SGCZ: variants seen among roughly 807,000 people sequenced by gnomAD.
SGCZ encodes the protein zeta-sarcoglycan.
SGCZ carries 40 observed loss-of-function variants against 41.3 expected under a neutral mutation model. The ratio of observed to expected loss-of-function variants is 0.97; its 90% confidence interval spans 0.75 to 1.26. The LOEUF (loss-of-function observed/expected upper bound fraction) is 1.26, where lower values mean the gene tolerates loss of function less well. Ranked by LOEUF, SGCZ falls within the 50% of genes most tolerant of loss-of-function variation. The pLI is 0.00. For missense variants in SGCZ, 552 were observed against 369.8 expected (o/e 1.49, Z -4.04); for synonymous variants, 206 against 137.5 (o/e 1.50, Z -3.49).
intron 4 of SGCZ, among the ~76,000 whole-genome samples, chr8:14,194,673 T>C (rs537222526): frequency 1.3e-5 from 2 of 152,064 alleles, no homozygotes; most frequent in African/African-American, 4.8e-5. Flanking sequence ...AGGAACAAAA[T>C]ACAAAATATA....
chr8:15,096,488 G>A (rs909250778), intron 1 of SGCZ, among the ~76,000 whole-genome samples: 11 of 152,140 alleles, frequency 7.2e-5, no homozygotes, highest in African/African-American at 2.6e-4. Context: ...AGGCTTTATC[G>A]ACAAATATGG....
intron 1 of SGCZ, among the ~76,000 whole-genome samples, chr8:14,719,864 T>C (rs932911637): frequency 3.3e-5 from 5 of 152,054 alleles, no homozygotes; most frequent in Non-Finnish European, 5.9e-5. Flanking sequence ...TTTAATGAGA[T>C]CCCATTTGTC....
intron 2 of SGCZ, among the ~76,000 whole-genome samples, chr8:14,438,918 A>G (rs963013228): frequency 2.6e-5 from 4 of 152,052 alleles, no homozygotes; most frequent in African/African-American, 9.7e-5. Flanking sequence ...TTGTAAGAGA[A>G]GTATTCTGTT....
intron 1 of SGCZ, among the ~76,000 whole-genome samples, chr8:14,701,153 C>A (rs1809124600): frequency 6.6e-6 from 1 of 151,710 alleles, no homozygotes; most frequent in Admixed American, 6.6e-5. Flanking sequence ...AATAAAAGGG[C>A]ACTCTGAGAA....
rs890377108 is a variant in SGCZ at position 14,802,705 on chromosome 8, T to C, written c.40-247779A>G. ...TATACAAAACATTGCTTATTGAAAC[T>C]GGTATATATTATGGTGTTTTAGCAT... On this transcript the variant is annotated intron_variant, in intron 1 of 7. Transcript: ENST00000382080. 2.0e-5 allele frequency among the ~76,000 whole-genome samples: 3 copies of C among 152,164 alleles called. No individual in the cohort carries two copies. In the East Asian group the frequency reaches 5.8e-4, roughly 29 times the overall value.
intron 1 of SGCZ, among the ~76,000 whole-genome samples, chr8:14,930,281 A>G (rs1799888333): frequency 6.6e-6 from 1 of 152,076 alleles, no homozygotes; most frequent in African/African-American, 2.4e-5. Context: ...CAAAACCACA[A>G]TGAGATACTA....
At chr8:14,580,405 C>T (rs1349014253) in intron 1 of SGCZ, among the ~76,000 whole-genome samples, 2 of 152,078 alleles carry the variant, frequency 1.3e-5, no homozygotes, top group East Asian at 1.9e-4. Flanking sequence ...TTTAATAATA[C>T]AAACCTTTTA....
intron 2 of SGCZ, among the ~76,000 whole-genome samples, chr8:14,382,561 C>T (rs1364096063): frequency 6.6e-6 from 1 of 152,138 alleles, no homozygotes; most frequent in African/African-American, 2.4e-5. Context: ...CACATAGGAC[C>T]CTTAAAGTGA....
At chr8:14,192,828 G>C (rs1183226609) in intron 4 of SGCZ, among the ~76,000 whole-genome samples, 1 of 151,936 alleles carries the variant, frequency 6.6e-6, no homozygotes, top group Non-Finnish European at 1.5e-5. Flanking sequence ...AATTATTATG[G>C]AGACCAGCCT....
At chr8:15,044,289 C>T (rs1281299227) in intron 1 of SGCZ, among the ~76,000 whole-genome samples, 1 of 152,104 alleles carries the variant, frequency 6.6e-6, no homozygotes, top group Non-Finnish European at 1.5e-5. Context: ...TCCATCAATT[C>T]AACCCTTCTT....
chr8:14,975,975 T>G (rs571338804), intron 1 of SGCZ, among the ~76,000 whole-genome samples: 1 of 134,618 alleles, frequency 7.4e-6, no homozygotes, highest in South Asian at 2.4e-4. Flanking sequence ...TGTGTGCGTG[T>G]GTGTATGTGT....
intron 1 of SGCZ, among the ~76,000 whole-genome samples, chr8:15,002,824 T>A (rs766412654): frequency 1.7e-4 from 26 of 152,262 alleles, no homozygotes; most frequent in Non-Finnish European, 3.1e-4. Context: ...TGTGTCCCCA[T>A]CCAAATCTCA....
At chr8:14,241,713 A>G (rs899248603) in intron 3 of SGCZ, among the ~76,000 whole-genome samples, 2 of 152,052 alleles carry the variant, frequency 1.3e-5, no homozygotes, top group Non-Finnish European at 2.9e-5. Context: ...CTTTAGACAA[A>G]GCAGATAGGT....
At chr8:15,217,182 C>T (rs1185393552) in intron 1 of SGCZ, among the ~76,000 whole-genome samples, 3 of 152,058 alleles carry the variant, frequency 2.0e-5, no homozygotes, top group Non-Finnish European at 4.4e-5. Flanking sequence ...CTTTGGGAGG[C>T]CGAGGCGGGC....
At chr8:14,448,574 G>C (rs967877684) in intron 2 of SGCZ, among the ~76,000 whole-genome samples, 2 of 152,154 alleles carry the variant, frequency 1.3e-5, no homozygotes, top group South Asian at 2.1e-4. Context: ...CTAACTTCAT[G>C]ATTACACTCA....
intron 2 of SGCZ, among the ~76,000 whole-genome samples, chr8:14,523,254 C>G (rs963853249): frequency 1.3e-5 from 2 of 151,968 alleles, no homozygotes; most frequent in African/African-American, 4.8e-5. Flanking sequence ...TTATTACTTA[C>G]AGTGTTCATT....
At chr8:14,605,186 A>G (rs1453635216) in intron 1 of SGCZ, among the ~76,000 whole-genome samples, 4 of 152,042 alleles carry the variant, frequency 2.6e-5, no homozygotes, top group Non-Finnish European at 5.9e-5. Context: ...ATTCAAAAGT[A>G]ACAAGCAAAC....
intron 1 of SGCZ, among the ~76,000 whole-genome samples, chr8:14,935,024 A>G (rs1009977107): frequency 3.6e-4 from 54 of 151,662 alleles, no homozygotes; most frequent in Non-Finnish European, 5.8e-4. Context: ...TGCAAAAAAA[A>G]AAAAAAACTT....
rs553935632 is a variant in SGCZ, at chr8:14,327,933, G to A, written c.235-3729C>T. Among the ~76,000 whole-genome samples, 6 of 152,192 alleles carry A rather than the reference G, an allele frequency of 3.9e-5. No homozygotes were observed. In the South Asian group the frequency reaches 1.2e-3, roughly 32 times the overall value. ...GTAGCAGGGACTACAGGTGTGCACT[G>A]CCACGCCCAGATAACTTTTGTACTT... On this transcript the variant is annotated intron_variant, in intron 2 of 7. Coordinates refer to ENST00000382080, the MANE Select transcript of SGCZ (RefSeq NM_139167.4).
Sources: gnomAD v4.1 joint callset for allele counts (sites outside exome capture counted in the v4.1 genomes callset) on GRCh38, gnomAD v4.1.1 for gene constraint, MANE v1.5 for transcripts, NCBI Gene and HGNC (gene_info 2026-07-23, HGNC 2026-07-21) for gene names.